PTCHD4: variants seen among roughly 807,000 people sequenced by gnomAD.
The protein encoded by PTCHD4 is patched domain-containing protein 4.
PTCHD4 carries 33 observed loss-of-function variants against 58.1 expected under a neutral mutation model. That is an observed-to-expected ratio of 0.57 (90% CI 0.43 to 0.76). PTCHD4 has a LOEUF of 0.76. PTCHD4 is among the 30% of genes least tolerant of loss of function. The probability of loss-of-function intolerance (pLI) is 0.00; values close to 1 mark genes in which losing one functional copy is unlikely to be tolerated. For missense variants in PTCHD4, 1,058 were observed against 1,027.1 expected (o/e 1.03, Z -0.41); for synonymous variants, 478 against 409.6 (o/e 1.17, Z -2.02).
At chr6:48,079,292 T>A (rs1765119971) in intron 1 of PTCHD4, among the ~76,000 whole-genome samples, 2 of 151,994 alleles carry the variant, frequency 1.3e-5, no homozygotes, top group South Asian at 4.1e-4. Context: ...ACCATGAAAA[T>A]GAATCCCGTT....
intron 3 of PTCHD4, among the ~76,000 whole-genome samples, chr6:48,027,167 A>G (rs1763278486): frequency 6.6e-6 from 1 of 152,176 alleles, no homozygotes; most frequent in African/African-American, 2.4e-5. Flanking sequence ...TAACACTACC[A>G]AATTAATTAA....
chr6:47,913,762 G>A (rs1463714069), intron 4 of PTCHD4, among the ~76,000 whole-genome samples: 1 of 152,132 alleles, frequency 6.6e-6, no homozygotes, highest in East Asian at 1.9e-4. Flanking sequence ...GAGCAGAGAT[G>A]CCGAAACTGA....
At chr6:48,013,375 GT>G (rs5876042) in intron 3 of PTCHD4, among the ~76,000 whole-genome samples, 27,100 of 145,324 alleles carry the variant, frequency 0.19, 2,610 homozygotes, top group South Asian at 0.24. Context: ...TTTCAGTTGA[GT>G]TTTTTTTTTT....
intron 1 of PTCHD4, among the ~76,000 whole-genome samples, chr6:48,083,071 G>C (rs536754108): frequency 1.3e-5 from 2 of 150,768 alleles, no homozygotes; most frequent in South Asian, 4.2e-4. Context: ...AGTATTTTTT[G>C]TTTTTGTTTT....
Position 47,866,811 on chromosome 6 carries a change from G to A in PTCHD4, c.*11492C>T, listed in dbSNP as rs115762630. ...AACTAAGTGCATATGTACCTTATGTGATCTTCAAAGAAAGCATCAGTGAAT... is the reference window on the plus strand; with the variant it reads ...AACTAAGTGCATATGTACCTTATGTAATCTTCAAAGAAAGCATCAGTGAAT... On this transcript the variant is annotated 3_prime_UTR_variant, in exon 5 of 5. Transcript: ENST00000339488. Among the ~76,000 whole-genome samples the A allele has an allele frequency of 0.013, 2,019 of 151,910 alleles. 19 individuals carry two copies. The highest frequency in any genetic ancestry group is 0.026 in the South Asian group (124 of 4,820).
At chr6:47,930,754 T>C (rs1463568161) in intron 4 of PTCHD4, among the ~76,000 whole-genome samples, 4 of 152,206 alleles carry the variant, frequency 2.6e-5, no homozygotes, top group Non-Finnish European at 5.9e-5. Context: ...ATTGGTATTA[T>C]GAAGAAGTTA....
At chr6:48,015,573 C>T (rs1052170691) in intron 3 of PTCHD4, among the ~76,000 whole-genome samples, 2 of 151,916 alleles carry the variant, frequency 1.3e-5, no homozygotes, top group Non-Finnish European at 2.9e-5. Flanking sequence ...GAAATGCTTT[C>T]TTCTGCCAAG....
At chr6:47,896,294 C>T (rs867011272) in intron 4 of PTCHD4, among the ~76,000 whole-genome samples, 3 of 152,182 alleles carry the variant, frequency 2.0e-5, no homozygotes, top group South Asian at 4.1e-4. Flanking sequence ...TCTTCACCAA[C>T]GGTGGAGGTC....
chr6:47,867,071 C>T lies in PTCHD4; in HGVS notation c.*11232G>A, dbSNP rs1265546507. Among the ~76,000 whole-genome samples the T allele has an allele frequency of 1.3e-5, 2 of 151,742 alleles. No homozygotes were observed. The highest frequency in any genetic ancestry group is 3.9e-4 in the East Asian group (2 of 5,142). ...GTTTACAATGTTTTCTTTCTGGGAA[C>T]AATCTATAAATCAGGGACAATAATA... is the stretch of plus-strand genomic sequence containing the variant. On this transcript the variant is annotated 3_prime_UTR_variant, in exon 5 of 5. Transcript: ENST00000339488.
intron 3 of PTCHD4, among the ~76,000 whole-genome samples, chr6:48,055,081 C>A (rs1266545698): frequency 4.6e-5 from 7 of 152,054 alleles, no homozygotes; most frequent in Admixed American, 2.6e-4. Context: ...ATGTGTTACC[C>A]ACTTCATCAT....
At chr6:48,038,663 C>CAA (rs11417903) in intron 3 of PTCHD4, among the ~76,000 whole-genome samples, 23,161 of 119,876 alleles carry the variant, frequency 0.19, 2,953 homozygotes, top group South Asian at 0.25. Context: ...AAGTCTGTCT[C>CAA]AAAAAAAAAA....
At chr6:47,975,829 C>T (rs1350512069) in intron 4 of PTCHD4, among the ~76,000 whole-genome samples, 1 of 152,182 alleles carries the variant, frequency 6.6e-6, no homozygotes, top group African/African-American at 2.4e-5. Flanking sequence ...TTTACAGACA[C>T]TTTCTAGGCC....
chr6:47,977,132 CAG>C (rs566682071), intron 4 of PTCHD4, among the ~76,000 whole-genome samples: 1 of 152,100 alleles, frequency 6.6e-6, no homozygotes, highest in Non-Finnish European at 1.5e-5. Context: ...AATGAAGAAA[CAG>C]AGTTATACAG....
chr6:48,108,044 G>A (rs1403501304), intron 1 of PTCHD4, among the ~76,000 whole-genome samples: 4 of 152,104 alleles, frequency 2.6e-5, no homozygotes, highest in East Asian at 1.9e-4. Context: ...TCAGTGTGGC[G>A]ATTCCTCAGG....
At chr6:48,106,584 G>A (rs906600549) in intron 1 of PTCHD4, among the ~76,000 whole-genome samples, 1 of 152,140 alleles carries the variant, frequency 6.6e-6, no homozygotes. Context: ...TCAATATAGT[G>A]TTGGAAGTTC....
intron 1 of PTCHD4, among the ~76,000 whole-genome samples, chr6:48,075,304 A>C (rs1474907110): frequency 6.6e-6 from 1 of 152,212 alleles, no homozygotes; most frequent in Non-Finnish European, 1.5e-5. Context: ...GTGTAAAAAG[A>C]AAGCCTGTAG....
chr6:47,944,802 G>A (rs1006750587), intron 4 of PTCHD4, among the ~76,000 whole-genome samples: 6 of 152,202 alleles, frequency 3.9e-5, no homozygotes, highest in South Asian at 2.1e-4. Flanking sequence ...GTTAGGTGCC[G>A]GAAATACAAT....
chr6:47,892,946 CATTAA>C (rs1365662280), intron 4 of PTCHD4, among the ~76,000 whole-genome samples: 1 of 152,206 alleles, frequency 6.6e-6, no homozygotes, highest in East Asian at 1.9e-4. Context: ...TTGGAATAGT[CATTAA>C]ATTAATCAAC....
intron 1 of PTCHD4, among the ~76,000 whole-genome samples, chr6:48,071,517 A>G (rs1474568791): frequency 6.6e-6 from 1 of 152,210 alleles, no homozygotes; most frequent in Admixed American, 6.5e-5. Context: ...CTTATAAAAT[A>G]ATGCATTTGC....
Sources: allele counts gnomAD v4.1 joint callset (sites outside exome capture counted in the v4.1 genomes callset), GRCh38; gene constraint gnomAD v4.1.1; transcripts MANE v1.5; gene names NCBI Gene and HGNC (gene_info 2026-07-23, HGNC 2026-07-21).